Variants in ADAD1 observed in about 807,000 individuals in gnomAD.
The protein encoded by ADAD1 is adenosine deaminase domain containing 1.
ADAD1 carries 46 observed loss-of-function variants against 66.8 expected under a neutral mutation model. That is an observed-to-expected ratio of 0.69 (90% CI 0.54 to 0.88). The LOEUF is 0.88. ADAD1 is among the 40% of genes least tolerant of loss of function. The pLI is 0.00. For missense variants in ADAD1, 617 were observed against 681.8 expected, an observed-to-expected ratio of 0.91 and a Z score of 1.06; for synonymous variants, 248 against 229.4, an observed-to-expected ratio of 1.08 and a Z score of -0.73.
chr4:122,387,751 T>TG (rs1037209255), intron 5 of ADAD1, among the ~76,000 whole-genome samples: 4 of 150,048 alleles, frequency 2.7e-5, no homozygotes, highest in Admixed American at 2.0e-4. Flanking sequence ...GTTTTTTTTT[T>TG]TTGTTTTTTG....
At chr4:122,379,774 T>A (rs968811547) in intron 2 of ADAD1, 8 of 264,798 alleles carry the variant, frequency 3.0e-5, no homozygotes, top group Non-Finnish European at 5.7e-5. Context: ...GCTAATATCT[T>A]CCCTAACTCC....
chr4:122,405,754 C>T (rs78820592), intron 7 of ADAD1, among the ~76,000 whole-genome samples: 2 of 152,196 alleles, frequency 1.3e-5, no homozygotes, highest in South Asian at 2.1e-4. Flanking sequence ...TCTTTCTAAC[C>T]GCTAGTAACC....
chr4:122,414,282 G>C (rs958459435), intron 10 of ADAD1, among the ~76,000 whole-genome samples: 1 of 123,056 alleles, frequency 8.1e-6, no homozygotes, highest in Non-Finnish European at 1.7e-5. Flanking sequence ...TTTTGGGGGG[G>C]GGGGTACAAC....
chr4:122,428,821 A>G (rs1797378567), intron 12 of ADAD1, among the ~76,000 whole-genome samples: 1 of 152,260 alleles, frequency 6.6e-6, no homozygotes, highest in East Asian at 1.9e-4. Flanking sequence ...CAACTGGACT[A>G]TGCTGATATT....
intron 12 of ADAD1, among the ~76,000 whole-genome samples, chr4:122,427,768 T>C (rs963671569): frequency 1.3e-5 from 2 of 151,920 alleles, no homozygotes; most frequent in Non-Finnish European, 2.9e-5. Flanking sequence ...ACTTCTGACC[T>C]CAAGTGCTCC....
intron 5 of ADAD1, 65 bp downstream of exon 5, chr4:122,384,031 G>A: frequency 7.2e-7 from 1 of 1,388,664 alleles, no homozygotes; most frequent in Non-Finnish European, 9.7e-7. Flanking sequence ...TCACCTGAAA[G>A]ATTTATGTTA....
chr4:122,401,221 A>G (rs937045473), intron 7 of ADAD1, among the ~76,000 whole-genome samples: 38 of 152,246 alleles, frequency 2.5e-4, no homozygotes, highest in Admixed American at 2.1e-3. Flanking sequence ...TTCAGTTCAA[A>G]TAATTTTTTA....
Position 122,400,576 on chromosome 4 carries a change from T to C in ADAD1, c.724+4199T>C, listed in dbSNP as rs148745176. 1.8e-3 allele frequency among the ~76,000 whole-genome samples: 270 copies of C among 152,286 alleles called. 5 individuals are homozygous for C. In the East Asian group the frequency reaches 0.038, roughly 21 times the overall value. On this transcript the variant is annotated intron_variant, in intron 7 of 12. Coordinates refer to ENST00000296513, the MANE Select transcript of ADAD1 (RefSeq NM_139243.4). ...ATCTTTTGGAATAGTTTCAGTAAGA[T>C]TGGTACCAATTCTTCTTTGAATGTC...
In ADAD1 at chr4:122,408,098, A is replaced by G. The variant is rs1200598884; in HGVS notation, c.848+67A>G. 18 of 1,461,854 alleles carry G rather than the reference A, an allele frequency of 1.2e-5. No homozygotes were observed. The East Asian group carries it at 1.7e-4, about 14-fold the overall frequency. The allele number at this position is 1,461,854 out of a possible 1,614,324, so 90.6% of individuals were successfully genotyped here. On this transcript the variant is annotated intron_variant, in intron 8 of 12. Transcript: ENST00000296513. ...CTCAGCCCAAAGTAACTTCATATAA[A>G]TGTCTTCATTTACAAATGGAATTTT... is the stretch of plus-strand genomic sequence containing the variant.
At chr4:122,405,060 C>T (rs1796145782) in intron 7 of ADAD1, among the ~76,000 whole-genome samples, 2 of 152,096 alleles carry the variant, frequency 1.3e-5, no homozygotes, top group South Asian at 4.1e-4. Context: ...CAACTCAGAG[C>T]TTATTATCAC....
At chr4:122,408,917 A>G (rs1298002729) in intron 8 of ADAD1, among the ~76,000 whole-genome samples, 2 of 151,992 alleles carry the variant, frequency 1.3e-5, no homozygotes, top group Non-Finnish European at 2.9e-5. Flanking sequence ...ATTTTTTTGA[A>G]AGATAAAAAT....
chr4:122,412,637 C>T lies in ADAD1; in HGVS notation c.1077C>T (p.His359=), dbSNP rs762983120. Residue 359 remains histidine (H), a synonymous_variant, in exon 10 of 13, where the codon CAC becomes CAT. Transcript: ENST00000296513. ...AAGCCAATGAAGAACTCTGTCTCCA[C>T]GTGGCTGTTGAAGGCAAAATTTATC... ...AFEANEELCL[H]VAVEGKIYLT... 8.1e-6 allele frequency: 13 copies of T among 1,613,764 alleles called. No homozygotes were observed. Among genetic ancestry groups the T allele is most frequent in the African/African-American group, 4.0e-5 (3 of 74,928 alleles).
chr4:122,429,490 A>T, intron 12 of ADAD1, 136 bp from the exon 13 acceptor site: 1 of 549,748 alleles, frequency 1.8e-6, no homozygotes, highest in Non-Finnish European at 3.2e-6. Context: ...TAGCTTCAAA[A>T]ATATTAAAAT....
At chr4:122,429,135 A>G (rs990059744) in intron 12 of ADAD1, among the ~76,000 whole-genome samples, 1 of 147,598 alleles carries the variant, frequency 6.8e-6, no homozygotes, top group African/African-American at 2.7e-5. Context: ...TTAAAAAAAA[A>G]AAAGAACAAG....
intron 4 of ADAD1, among the ~76,000 whole-genome samples, chr4:122,382,639 G>A (rs1794963062): frequency 6.6e-6 from 1 of 151,950 alleles, no homozygotes; most frequent in Admixed American, 6.6e-5. Flanking sequence ...GGCTGACCTC[G>A]AACTCCTGGC....
chr4:122,403,358 C>T (rs991703570), intron 7 of ADAD1, among the ~76,000 whole-genome samples: 1 of 152,160 alleles, frequency 6.6e-6, no homozygotes, highest in Non-Finnish European at 1.5e-5. Context: ...TCAGGTCTCC[C>T]AGCCATAAAT....
chr4:122,416,344 C>T (rs907751456), intron 11 of ADAD1, among the ~76,000 whole-genome samples: 3 of 152,180 alleles, frequency 2.0e-5, no homozygotes, highest in East Asian at 1.9e-4. Flanking sequence ...TGTGAACATA[C>T]ATTTGTAATG....
chr4:122,402,945 C>T (rs922747905), intron 7 of ADAD1, among the ~76,000 whole-genome samples: 3 of 152,110 alleles, frequency 2.0e-5, no homozygotes, highest in African/African-American at 7.2e-5. Flanking sequence ...TTCTCTGGTA[C>T]CTCCTTGAGG....
rs760989782 is a variant in ADAD1 at position 122,412,815 on chromosome 4, T to A, written c.1249+6T>A. On this transcript the variant is annotated splice_donor_region_variant and intron_variant, in intron 10 of 12. Coordinates refer to ENST00000296513, the MANE Select transcript of ADAD1 (RefSeq NM_139243.4). Reference sequence around the variant, plus strand: ...CATCAGCAGTATACTTATTGGTGAGTGGGATTTCAGAACCTCCTGGGCCTC... The same window carrying A: ...CATCAGCAGTATACTTATTGGTGAGAGGGATTTCAGAACCTCCTGGGCCTC... The A allele has an allele frequency of 6.2e-7, 1 of 1,610,096 alleles. No individual in the cohort carries two copies. Among genetic ancestry groups the A allele is most frequent in the African/African-American group, 1.3e-5 (1 of 74,950 alleles).
Sources: gnomAD v4.1 joint callset for allele counts (sites outside exome capture counted in the v4.1 genomes callset) on GRCh38, gnomAD v4.1.1 for gene constraint, MANE v1.5 for transcripts, NCBI Gene and HGNC (gene_info 2026-07-23, HGNC 2026-07-21) for gene names.